FAM110B: variants seen among roughly 807,000 people sequenced by gnomAD.
FAM110B encodes the protein family with sequence similarity 110 member B.
Under a neutral mutation model 20.4 loss-of-function variants are expected in FAM110B, and 6 were observed. The observed-to-expected ratio is 0.29, with a 90% CI of 0.16 to 0.58. FAM110B has a LOEUF of 0.58. Ranked by LOEUF, FAM110B falls within the 20% of genes least tolerant of loss-of-function variation. The pLI, the probability that FAM110B is intolerant of heterozygous loss-of-function variation, is 0.90. For synonymous variants in FAM110B, 226 were observed against 214.1 expected, an observed-to-expected ratio of 1.06 and a Z score of -0.49; for missense variants, 434 against 498.2, an observed-to-expected ratio of 0.87 and a Z score of 1.23.
chr8:58,090,601 G>A (rs1392535839), intron 3 of FAM110B, among the ~76,000 whole-genome samples: 2 of 152,168 alleles, frequency 1.3e-5, no homozygotes, highest in African/African-American at 2.4e-5. Flanking sequence ...AAGTTTTAGG[G>A]CAGTCAAAAG....
In FAM110B at chr8:58,141,475, C is replaced by G. The variant is rs1193235017; in HGVS notation, c.-324-4432C>G. Reference sequence around the variant, plus strand: ...TAGAGCTGAATTACTCAGCCTTGCTCTTTCAATACCCCCCTTTTCCTGCTG... The same window carrying G: ...TAGAGCTGAATTACTCAGCCTTGCTGTTTCAATACCCCCCTTTTCCTGCTG... On this transcript the variant is annotated intron_variant, in intron 3 of 3. Coordinates refer to ENST00000519262, the MANE Select transcript of FAM110B (RefSeq NM_001377989.1). Among the ~76,000 whole-genome samples the G allele has an allele frequency of 2.6e-5, 4 of 152,182 alleles. No homozygotes were observed. In the East Asian group the frequency reaches 7.7e-4, roughly 29 times the overall value.
chr8:58,027,000 C>T (rs989992302), intron 1 of FAM110B, among the ~76,000 whole-genome samples: 14 of 150,354 alleles, frequency 9.3e-5, no homozygotes, highest in African/African-American at 3.2e-4. Flanking sequence ...TAAAAGAACA[C>T]GAACTCAAGG....
At chr8:58,123,058 G>C (rs1807401815) in intron 3 of FAM110B, among the ~76,000 whole-genome samples, 1 of 152,138 alleles carries the variant, frequency 6.6e-6, no homozygotes, top group South Asian at 2.1e-4. Context: ...TGCCTTATGA[G>C]AGCTCAGCAG....
At chr8:58,094,090 A>G (rs1282460000) in intron 3 of FAM110B, among the ~76,000 whole-genome samples, 1 of 152,174 alleles carries the variant, frequency 6.6e-6, no homozygotes, top group Non-Finnish European at 1.5e-5. Flanking sequence ...ATTTTTACAC[A>G]TTGATTTTGT....
chr8:58,048,782 T>C (rs926893659), intron 2 of FAM110B, among the ~76,000 whole-genome samples: 17 of 152,234 alleles, frequency 1.1e-4, no homozygotes, highest in Admixed American at 1.1e-3. Context: ...CCTGACTTTG[T>C]TGAGCACACA....
chr8:58,000,914 C>T (rs995845322), intron 1 of FAM110B, among the ~76,000 whole-genome samples: 9 of 152,078 alleles, frequency 5.9e-5, no homozygotes, highest in Non-Finnish European at 1.0e-4. Flanking sequence ...CAGATTTTTT[C>T]CCCCCAATAC....
chr8:58,129,303 TAAC>T (rs1267627383), intron 3 of FAM110B, among the ~76,000 whole-genome samples: 1 of 152,202 alleles, frequency 6.6e-6, no homozygotes, highest in Non-Finnish European at 1.5e-5. Context: ...ACTGGAGAAT[TAAC>T]AAGGTGATTA....
intron 2 of FAM110B, among the ~76,000 whole-genome samples, chr8:58,062,741 G>A (rs1292574800): frequency 1.3e-5 from 2 of 152,172 alleles, no homozygotes; most frequent in African/African-American, 4.8e-5. Context: ...TCATGCTAAT[G>A]TTTCTAACTT....
intron 2 of FAM110B, chr8:58,070,483 A>ACCC (rs1480022449): frequency 1.3e-5 from 2 of 152,214 alleles, no homozygotes; most frequent in African/African-American, 4.8e-5. Context: ...TTGCTTTGTT[A>ACCC]ATACCATGGG....
chr8:58,104,269 G>A (rs1806854941), intron 3 of FAM110B, among the ~76,000 whole-genome samples: 1 of 152,162 alleles, frequency 6.6e-6, no homozygotes, highest in African/African-American at 2.4e-5. Flanking sequence ...AACCTCATCT[G>A]CAGCCAATTT....
At chr8:58,098,344 G>A (rs866165528) in intron 3 of FAM110B, among the ~76,000 whole-genome samples, 2 of 152,216 alleles carry the variant, frequency 1.3e-5, no homozygotes, top group Non-Finnish European at 2.9e-5. Context: ...TTTATGCTGT[G>A]AGGGGAAAAC....
chr8:58,013,810 AC>A (rs1340339252), intron 1 of FAM110B, among the ~76,000 whole-genome samples: 1 of 152,128 alleles, frequency 6.6e-6, no homozygotes, highest in Non-Finnish European at 1.5e-5. Context: ...TCTGTGGTAG[AC>A]TCAGGTACTC....
chr8:58,073,943 C>T (rs987699743), intron 2 of FAM110B, among the ~76,000 whole-genome samples: 1 of 152,172 alleles, frequency 6.6e-6, no homozygotes, highest in Admixed American at 6.5e-5. Context: ...ATCTTGCCAC[C>T]AGTAAAATCT....
chr8:58,100,548 C>T (rs768130932), intron 3 of FAM110B, among the ~76,000 whole-genome samples: 1 of 152,192 alleles, frequency 6.6e-6, no homozygotes, highest in Non-Finnish European at 1.5e-5. Context: ...GAATCTGTTC[C>T]ATGCCTCTCC....
At chr8:58,007,328 C>T (rs535670640) in intron 1 of FAM110B, among the ~76,000 whole-genome samples, 10 of 152,248 alleles carry the variant, frequency 6.6e-5, no homozygotes, top group African/African-American at 2.4e-4. Context: ...ATTGTCCATG[C>T]ACTTTGTGTA....
In FAM110B at chr8:57,994,748, C is replaced by G. The variant is rs1349663863; in HGVS notation, c.-570C>G. 1 of 152,270 alleles carries G rather than the reference C, an allele frequency of 6.6e-6. No homozygotes were observed. The highest frequency in any genetic ancestry group is 2.4e-5 in the African/African-American group (1 of 41,442). 9.4% of individuals were successfully genotyped at this position (152,270 alleles called of 1,614,324 possible). Reference sequence around the variant, plus strand: ...GCCCCGACTCTCCCTCCTTGCAGTCCCCCGGAGCCTGGCTCCCGGCTCGGG... The same window carrying G: ...GCCCCGACTCTCCCTCCTTGCAGTCGCCCGGAGCCTGGCTCCCGGCTCGGG... On this transcript the variant is annotated 5_prime_UTR_variant, in exon 1 of 4. Coordinates refer to ENST00000519262, the MANE Select transcript of FAM110B (RefSeq NM_001377989.1).
rs1803857453 is a variant in FAM110B at position 58,146,152 on chromosome 8, A to C, written c.-79A>C. On this transcript the variant is annotated 5_prime_UTR_variant, in exon 4 of 4. The change abolishes an upstream ATG in the 5' untranslated region. Transcript: ENST00000519262. ...CTGCACCCGCCGCCCTTGGCGCTTC[A>C]TGTACATGTGTCTATTCAGGCCTTG... is the stretch of plus-strand genomic sequence containing the variant. 6.7e-7 allele frequency: 1 copy of C among 1,490,122 alleles called. No individual in the cohort carries two copies. The highest frequency in any genetic ancestry group is 9.0e-7 in the Non-Finnish European group (1 of 1,115,904). 92.3% of individuals were successfully genotyped at this position (1,490,122 alleles called of 1,614,324 possible). A position where few individuals can be genotyped will look rare whatever the true frequency, so the allele number is the denominator to read the frequency against.
At chr8:58,000,603 T>C (rs60778851) in intron 1 of FAM110B, among the ~76,000 whole-genome samples, 3,089 of 152,336 alleles carry the variant, frequency 0.02, 107 homozygotes, top group African/African-American at 0.067. Flanking sequence ...TATATATATT[T>C]AGTCACACAC....
At chr8:58,061,148 A>G (rs1435254754) in intron 2 of FAM110B, among the ~76,000 whole-genome samples, 1 of 152,214 alleles carries the variant, frequency 6.6e-6, no homozygotes, top group East Asian at 1.9e-4. Flanking sequence ...ATAGAAATAA[A>G]TGTGAAGATC....
Sources: allele counts gnomAD v4.1 joint callset (sites outside exome capture counted in the v4.1 genomes callset), GRCh38; gene constraint gnomAD v4.1.1; transcripts MANE v1.5; gene names NCBI Gene and HGNC (gene_info 2026-07-23, HGNC 2026-07-21).